The following ASTN2 variants were observed in gnomAD, a reference collection of about 807,000 sequenced individuals.
The protein encoded by ASTN2 is astrotactin-2.
ASTN2 carries 54 observed loss-of-function variants against 139.8 expected under a neutral mutation model. The observed-to-expected ratio is 0.39, with a 90% CI of 0.31 to 0.48. ASTN2 has a LOEUF of 0.48. Among genes scored for constraint, ASTN2 ranks in the 20% least tolerant of loss-of-function variants. The probability of loss-of-function intolerance (pLI) is 0.95; values close to 1 mark genes in which losing one functional copy is unlikely to be tolerated. For missense variants in ASTN2, 1,565 were observed against 1,725.1 expected, an observed-to-expected ratio of 0.91 and a Z score of 1.64; for synonymous variants, 756 against 719.5, an observed-to-expected ratio of 1.05 and a Z score of -0.81.
At chr9:117,367,169 G>GTGA in intron 1 of ASTN2, among the ~76,000 whole-genome samples, 1 of 152,244 alleles carries the variant, frequency 6.6e-6, no homozygotes, top group Admixed American at 6.5e-5. Context: ...CATTTTGTGT[G>GTGA]CTGTTTTGTG....
chr9:116,885,253 A>T (rs1163681852), intron 10 of ASTN2, among the ~76,000 whole-genome samples: 2 of 152,174 alleles, frequency 1.3e-5, no homozygotes, highest in Non-Finnish European at 2.9e-5. Context: ...AAAATTACTC[A>T]AGGTGATGGA....
At chr9:116,906,899 T>C (rs143176093) in intron 10 of ASTN2, among the ~76,000 whole-genome samples, 27 of 152,324 alleles carry the variant, frequency 1.8e-4, no homozygotes, top group African/African-American at 6.0e-4. Flanking sequence ...ATGAAATCTA[T>C]AGCCCCTTAA....
At chr9:116,542,969 G>A (rs900224929) in intron 19 of ASTN2, among the ~76,000 whole-genome samples, 3 of 147,320 alleles carry the variant, frequency 2.0e-5, no homozygotes, top group Non-Finnish European at 3.0e-5. Flanking sequence ...TAAGCTTGAT[G>A]TTCACCTTTG....
At chr9:116,667,164 C>T (rs1858919381) in intron 16 of ASTN2, among the ~76,000 whole-genome samples, 1 of 151,788 alleles carries the variant, frequency 6.6e-6, no homozygotes, top group South Asian at 2.1e-4. Context: ...CCATGTTGGC[C>T]AGGCTGGTCT....
intron 12 of ASTN2, among the ~76,000 whole-genome samples, chr9:116,820,198 A>G (rs539415482): frequency 1.2e-4 from 19 of 152,288 alleles, no homozygotes; most frequent in African/African-American, 4.3e-4. Context: ...TGCTGAAACC[A>G]AGCTTGAAGG....
At chr9:116,569,470 C>T (rs1853401153) in intron 19 of ASTN2, among the ~76,000 whole-genome samples, 2 of 152,206 alleles carry the variant, frequency 1.3e-5, no homozygotes, top group Non-Finnish European at 2.9e-5. Flanking sequence ...AGCTTTCCTA[C>T]CAGTAAAGAA....
At chr9:116,946,119 T>C (rs547602500) in intron 10 of ASTN2, among the ~76,000 whole-genome samples, 1 of 152,344 alleles carries the variant, frequency 6.6e-6, no homozygotes, top group East Asian at 1.9e-4. Flanking sequence ...TACACACTCA[T>C]GATTCAGTCA....
intron 1 of ASTN2, among the ~76,000 whole-genome samples, chr9:117,362,216 TA>T (rs1327065695): frequency 2.0e-5 from 3 of 152,176 alleles, no homozygotes; most frequent in Admixed American, 2.0e-4. Context: ...TCAGGTGATA[TA>T]ACTACCTTGG....
At chr9:117,047,556 G>A (rs1838781195) in intron 5 of ASTN2, among the ~76,000 whole-genome samples, 1 of 152,022 alleles carries the variant, frequency 6.6e-6, no homozygotes, top group Admixed American at 6.6e-5. Context: ...CCCCTACTAA[G>A]CATCAGTTCT....
rs1362056379 is a variant in ASTN2 at position 117,005,019 on chromosome 9, A to G, written c.1591+3073T>C. 2.0e-5 allele frequency among the ~76,000 whole-genome samples: 3 copies of G among 151,456 alleles called. No individual in the cohort carries two copies. In the East Asian group the frequency reaches 5.8e-4, roughly 29 times the overall value. On this transcript the variant is annotated intron_variant, in intron 7 of 22. Transcript: ENST00000313400. ...AAATGTCATCTAGATGCTGTAGACT[A>G]GCAAATTTCTATCCCCAGCTAAGAC...
intron 13 of ASTN2, among the ~76,000 whole-genome samples, chr9:116,774,159 C>T (rs563776420): frequency 6.6e-6 from 1 of 152,270 alleles, no homozygotes; most frequent in Non-Finnish European, 1.5e-5. Context: ...GGAAGGGACT[C>T]TTCAGGCTCT....
intron 19 of ASTN2, among the ~76,000 whole-genome samples, chr9:116,607,390 T>C (rs1466744062): frequency 6.6e-6 from 1 of 152,054 alleles, no homozygotes. Context: ...AGTCAAGTCC[T>C]AAAACAAAGG....
chr9:117,127,959 C>T lies in ASTN2; in HGVS notation c.1168+13367G>A, dbSNP rs148668511. Among the ~76,000 whole-genome samples, 1,328 of 152,062 alleles carry T rather than the reference C, an allele frequency of 8.7e-3. 17 individuals are homozygous for T. Among genetic ancestry groups the T allele is most frequent in the African/African-American group, 0.031 (1,272 of 41,488 alleles). ...CCTCCCAAAGTGCTGGGATTACAGG[C>T]GTGAGCCACCGCTCCCGGCCGGGTT... On this transcript the variant is annotated intron_variant, in intron 4 of 22. Coordinates refer to ENST00000313400, the MANE Select transcript of ASTN2 (RefSeq NM_001365068.1).
At chr9:117,169,208 G>GA (rs5900272) in intron 3 of ASTN2, among the ~76,000 whole-genome samples, 8 of 150,294 alleles carry the variant, frequency 5.3e-5, no homozygotes, top group South Asian at 2.1e-4. Context: ...AGAAGAAAAA[G>GA]AAAAAAAAAA....
intron 19 of ASTN2, among the ~76,000 whole-genome samples, chr9:116,532,142 C>T (rs1327077748): frequency 1.3e-5 from 2 of 152,188 alleles, no homozygotes; most frequent in Non-Finnish European, 2.9e-5. Flanking sequence ...TTGCATGTGT[C>T]TTTTGGCTGC....
intron 16 of ASTN2, among the ~76,000 whole-genome samples, chr9:116,703,238 A>C (rs979063594): frequency 6.6e-6 from 1 of 151,562 alleles, no homozygotes; most frequent in Admixed American, 6.6e-5. Flanking sequence ...AGTGATGATG[A>C]GCATTTTTTC....
chr9:116,469,801 G>A (rs764829703), intron 20 of ASTN2, among the ~76,000 whole-genome samples: 29 of 152,150 alleles, frequency 1.9e-4, no homozygotes, highest in African/African-American at 6.3e-4. Flanking sequence ...AACAGGGAAC[G>A]TTAATACACA....
intron 20 of ASTN2, among the ~76,000 whole-genome samples, chr9:116,457,607 C>T (rs1283807714): frequency 1.3e-5 from 2 of 152,114 alleles, no homozygotes; most frequent in Non-Finnish European, 2.9e-5. Context: ...AAGTGCTCAA[C>T]ATCATTGATC....
chr9:116,620,179 A>G lies in ASTN2; in HGVS notation c.3206+131T>C, dbSNP rs116198554. On this transcript the variant is annotated intron_variant, in intron 18 of 22. Coordinates refer to ENST00000313400, the MANE Select transcript of ASTN2 (RefSeq NM_001365068.1). ...TCCCTTCTTTCCTAAAAAAGGAGGT[A>G]GATTCCAGGGTCTTTGAGGATCTTG... 1.5e-3 allele frequency: 1,868 copies of G among 1,283,204 alleles called. 19 individuals carry two copies. In the African/African-American group the frequency reaches 0.022, roughly 15 times the overall value. The allele number at this position is 1,283,204 out of a possible 1,614,324, so 79.5% of individuals were successfully genotyped here.
Sources: gnomAD v4.1 joint callset for allele counts (sites outside exome capture counted in the v4.1 genomes callset) on GRCh38, gnomAD v4.1.1 for gene constraint, MANE v1.5 for transcripts, NCBI Gene and HGNC (gene_info 2026-07-23, HGNC 2026-07-21) for gene names.